SLC24A3: variants seen among roughly 807,000 people sequenced by gnomAD.
SLC24A3 encodes the protein sodium/potassium/calcium exchanger 3.
A neutral mutation model predicts 75.8 loss-of-function variants in SLC24A3; 28 were observed. The ratio of observed to expected loss-of-function variants is 0.37; its 90% CI spans 0.27 to 0.51. The LOEUF (loss-of-function observed/expected upper bound fraction) is 0.51, where lower values mean the gene tolerates loss of function less well. SLC24A3 is among the 20% of genes least tolerant of loss of function. SLC24A3 has a pLI of 0.94. For missense variants in SLC24A3, 663 were observed against 847.8 expected (o/e 0.78, Z 2.71); for synonymous variants, 372 against 334.1 (o/e 1.11, Z -1.24).
At chr20:19,435,383 A>G (rs1987180524) in intron 2 of SLC24A3, among the ~76,000 whole-genome samples, 1 of 152,252 alleles carries the variant, frequency 6.6e-6, no homozygotes, top group African/African-American at 2.4e-5. Flanking sequence ...AACAACATAG[A>G]AAAGGATTTT....
In SLC24A3 at chr20:19,463,870, G is replaced by A. The variant is rs1389534918; in HGVS notation, c.272-51618G>A. 2.0e-5 allele frequency among the ~76,000 whole-genome samples: 3 copies of A among 152,172 alleles called. No homozygotes were observed. The East Asian group carries it at 5.8e-4, about 29-fold the overall frequency. ...GTTGCACTCTCCTTGTCACCTACAG[G>A]GCTTTCCCAAGATTGCTGGGGGGCA... On this transcript the variant is annotated intron_variant, in intron 2 of 16. Coordinates refer to ENST00000328041, the MANE Select transcript of SLC24A3 (RefSeq NM_020689.4).
intron 2 of SLC24A3, among the ~76,000 whole-genome samples, chr20:19,314,807 G>A (rs2122266594): frequency 6.6e-6 from 1 of 152,336 alleles, no homozygotes; most frequent in Non-Finnish European, 1.5e-5. Flanking sequence ...ACACCTTAGT[G>A]GTTACCAGGC....
At chr20:19,575,151 C>A (rs146744876) in intron 3 of SLC24A3, among the ~76,000 whole-genome samples, 1 of 149,286 alleles carries the variant, frequency 6.7e-6, no homozygotes, top group Non-Finnish European at 1.5e-5. Flanking sequence ...ACTCAGGCAG[C>A]TAAGGTAGGA....
intron 2 of SLC24A3, among the ~76,000 whole-genome samples, chr20:19,438,381 G>T (rs1257157436): frequency 1.3e-5 from 2 of 152,166 alleles, no homozygotes; most frequent in African/African-American, 4.8e-5. Flanking sequence ...TCAATGTCCG[G>T]CTCCTGGCCC....
At chr20:19,665,767 G>T in intron 7 of SLC24A3, 97 bp from the exon 8 acceptor site, 1 of 1,426,398 alleles carries the variant, frequency 7.0e-7, no homozygotes, top group Non-Finnish European at 9.3e-7. Context: ...CAGGAACAAG[G>T]TGGATACTGC....
chr20:19,480,123 C>A (rs1350704768), intron 2 of SLC24A3, among the ~76,000 whole-genome samples: 1 of 152,144 alleles, frequency 6.6e-6, no homozygotes, highest in Non-Finnish European at 1.5e-5. Context: ...ATGTTATAAT[C>A]ATACTCGTTT....
intron 2 of SLC24A3, among the ~76,000 whole-genome samples, chr20:19,402,472 A>G (rs933478901): frequency 6.6e-6 from 1 of 152,238 alleles, no homozygotes; most frequent in Non-Finnish European, 1.5e-5. Context: ...GACTCTGTGT[A>G]GTTAGGGCAC....
intron 8 of SLC24A3, among the ~76,000 whole-genome samples, chr20:19,666,908 C>T (rs144618631): frequency 4.6e-5 from 7 of 152,210 alleles, no homozygotes; most frequent in South Asian, 2.1e-4. Flanking sequence ...AAATGGAAAT[C>T]GAGTGTATTG....
At chr20:19,590,385 G>T (rs1452787453) in intron 6 of SLC24A3, among the ~76,000 whole-genome samples, 1 of 151,964 alleles carries the variant, frequency 6.6e-6, no homozygotes, top group African/African-American at 2.4e-5. Context: ...CCAACACACA[G>T]CTCCCCTGTT....
intron 2 of SLC24A3, among the ~76,000 whole-genome samples, chr20:19,391,513 A>G (rs988088859): frequency 2.6e-5 from 4 of 152,212 alleles, no homozygotes; most frequent in Non-Finnish European, 4.4e-5. Context: ...CATATCCAGC[A>G]GGCCACATCA....
intron 9 of SLC24A3, among the ~76,000 whole-genome samples, chr20:19,678,612 C>T (rs1044903495): frequency 3.6e-4 from 52 of 145,354 alleles, no homozygotes; most frequent in Non-Finnish European, 6.1e-5. Flanking sequence ...CCTCACCTCC[C>T]GGACGGGGCG....
intron 1 of SLC24A3, among the ~76,000 whole-genome samples, chr20:19,241,688 T>G (rs926954174): frequency 6.6e-6 from 1 of 152,234 alleles, no homozygotes; most frequent in Non-Finnish European, 1.5e-5. Context: ...GTGGTGCTTG[T>G]GGACAGATAA....
In SLC24A3 at chr20:19,480,802, A is replaced by T. The variant is rs556944171; in HGVS notation, c.272-34686A>T. Among the ~76,000 whole-genome samples the T allele has an allele frequency of 4.6e-5, 7 of 152,290 alleles. No homozygotes were observed. In the South Asian group the frequency reaches 1.2e-3, roughly 27 times the overall value. ...AATCTAAGAGCTGGGTTTCTTGTTC[A>T]TGAATATTTGGGTCCTGGGACACTG... On this transcript the variant is annotated intron_variant, in intron 2 of 16. Coordinates refer to ENST00000328041, the MANE Select transcript of SLC24A3 (RefSeq NM_020689.4).
intron 2 of SLC24A3, among the ~76,000 whole-genome samples, chr20:19,332,085 G>A (rs561536404): frequency 8.5e-5 from 13 of 152,304 alleles, no homozygotes; most frequent in South Asian, 6.2e-4. Context: ...GAATTGGAGC[G>A]TCTTGCAGGG....
intron 1 of SLC24A3, among the ~76,000 whole-genome samples, chr20:19,226,445 A>T (rs1367598241): frequency 6.6e-6 from 1 of 152,144 alleles, no homozygotes; most frequent in African/African-American, 2.4e-5. Flanking sequence ...ATGATTTAGG[A>T]GATGCTTCCT....
At chr20:19,629,328 A>C (rs2031907034) in intron 6 of SLC24A3, among the ~76,000 whole-genome samples, 1 of 152,228 alleles carries the variant, frequency 6.6e-6, no homozygotes, top group African/African-American at 2.4e-5. Flanking sequence ...AGCAAACTTC[A>C]AGACAGGTTA....
intron 6 of SLC24A3, among the ~76,000 whole-genome samples, chr20:19,613,298 C>T (rs758158675): frequency 2.6e-5 from 4 of 152,190 alleles, no homozygotes; most frequent in Admixed American, 6.5e-5. Flanking sequence ...CTTGCTCTAT[C>T]CTCAGTATCT....
At chr20:19,671,618 G>A (rs1260063378) in intron 8 of SLC24A3, among the ~76,000 whole-genome samples, 2 of 151,890 alleles carry the variant, frequency 1.3e-5, no homozygotes, top group Admixed American at 6.6e-5. Flanking sequence ...TTGACTGAAA[G>A]GACAAAGCCC....
intron 2 of SLC24A3, among the ~76,000 whole-genome samples, chr20:19,467,789 G>A (rs925499962): frequency 2.0e-5 from 3 of 151,866 alleles, no homozygotes; most frequent in Non-Finnish European, 4.4e-5. Context: ...GCTGAGGAAC[G>A]AGAATAGCTT....
Sources: allele counts gnomAD v4.1 joint callset (sites outside exome capture counted in the v4.1 genomes callset), GRCh38; gene constraint gnomAD v4.1.1; transcripts MANE v1.5; gene names NCBI Gene and HGNC (gene_info 2026-07-23, HGNC 2026-07-21).